IL1RAP: variants seen among roughly 807,000 people sequenced by gnomAD.
IL1RAP encodes the protein interleukin 1 receptor accessory protein.
IL1RAP carries 35 observed loss-of-function variants against 60.7 expected under a neutral mutation model. The observed-to-expected ratio is 0.58, with a 90% CI of 0.44 to 0.76. The LOEUF is 0.76. Ranked by LOEUF, IL1RAP falls within the 30% of genes least tolerant of loss-of-function variation. The probability of loss-of-function intolerance (pLI) is 0.00; values close to 1 mark genes in which losing one functional copy is unlikely to be tolerated. For synonymous variants in IL1RAP, 268 were observed against 250.9 expected, an observed-to-expected ratio of 1.07 and a Z score of -0.64; for missense variants, 572 against 693.9, an observed-to-expected ratio of 0.82 and a Z score of 1.97.
intron 5 of IL1RAP, among the ~76,000 whole-genome samples, chr3:190,609,925 C>T (rs1009614192): frequency 1.3e-5 from 2 of 152,114 alleles, no homozygotes; most frequent in African/African-American, 4.8e-5. Context: ...AAAGAGCCAA[C>T]AGGTACTCAC....
intron 4 of IL1RAP, among the ~76,000 whole-genome samples, chr3:190,605,106 G>A (rs937840084): frequency 1.3e-5 from 2 of 152,092 alleles, no homozygotes; most frequent in South Asian, 2.1e-4. Flanking sequence ...TATTTTGGGA[G>A]GCATGACATA....
chr3:190,528,653 T>C (rs978684971), intron 1 of IL1RAP, among the ~76,000 whole-genome samples: 4 of 152,182 alleles, frequency 2.6e-5, no homozygotes, highest in Admixed American at 6.5e-5. Context: ...AGATAAAACA[T>C]ACACAGGGGT....
exon 12 of IL1RAP, chr3:190,656,538 C>T (rs765743296): frequency 6.5e-7 from 1 of 1,537,264 alleles, no homozygotes; most frequent in South Asian, 1.2e-5. Context: ...CCCCTGCTCC[C>T]CAGATCTCAG....
rs915615665 is a variant in IL1RAP at position 190,519,348 on chromosome 3, C to T, written c.-89+5129C>T. ...TGAGCAAGAGAAATCAGCATTTCAT[C>T]GGCACATGTACTTTTGTCATTTCAT... On this transcript the variant is annotated intron_variant, in intron 1 of 11. Transcript: ENST00000447382. Among the ~76,000 whole-genome samples, 11 of 152,238 alleles carry T rather than the reference C, an allele frequency of 7.2e-5. No homozygotes were observed. In the South Asian group the frequency reaches 1.0e-3, roughly 14 times the overall value.
At chr3:190,531,929 G>T (rs1200380787) in intron 1 of IL1RAP, among the ~76,000 whole-genome samples, 10 of 152,134 alleles carry the variant, frequency 6.6e-5, no homozygotes, top group African/African-American at 2.4e-4. Flanking sequence ...AATGGAATAC[G>T]TGTAATCGTT....
intron 1 of IL1RAP, among the ~76,000 whole-genome samples, chr3:190,549,703 T>C (rs1323484343): frequency 6.7e-6 from 1 of 149,286 alleles, no homozygotes; most frequent in Admixed American, 6.6e-5. Flanking sequence ...TGGGTTGCCT[T>C]CTCCCGAGCC....
intron 3 of IL1RAP, among the ~76,000 whole-genome samples, chr3:190,603,574 A>G (rs1345350405): frequency 6.6e-6 from 1 of 152,184 alleles, no homozygotes; most frequent in Non-Finnish European, 1.5e-5. Flanking sequence ...ATTTTTTTAT[A>G]TTTTGGATAT....
intron 1 of IL1RAP, among the ~76,000 whole-genome samples, chr3:190,530,664 A>G (rs1056303481): frequency 1.3e-5 from 2 of 152,206 alleles, no homozygotes; most frequent in African/African-American, 4.8e-5. Context: ...CAATTAGAAC[A>G]TCGGCTTAAA....
chr3:190,649,311 C>T lies in IL1RAP; in HGVS notation c.*606C>T. 1 of 984,912 alleles carries T rather than the reference C, an allele frequency of 1.0e-6. No homozygotes were observed. The highest frequency in any genetic ancestry group is 1.7e-5 in the African/African-American group (1 of 57,322). 61.0% of individuals were successfully genotyped at this position (984,912 alleles called of 1,614,324 possible). Reference sequence around the variant, plus strand: ...TAAAGGACTTGTCTTCTATACCACCCTTGTCCTCATCTCAGGTAATTTATG... The same window carrying T: ...TAAAGGACTTGTCTTCTATACCACCTTTGTCCTCATCTCAGGTAATTTATG... On this transcript the variant is annotated 3_prime_UTR_variant, in exon 12 of 12. Transcript: ENST00000447382.
chr3:190,633,381 CAG>C (rs1202701238), intron 9 of IL1RAP, among the ~76,000 whole-genome samples: 1 of 151,690 alleles, frequency 6.6e-6, no homozygotes, highest in East Asian at 1.9e-4. Context: ...ATTTTTGAGA[CAG>C]AGTCTCACTG....
At chr3:190,622,080 T>C (rs1201691807) in intron 6 of IL1RAP, among the ~76,000 whole-genome samples, 1 of 152,204 alleles carries the variant, frequency 6.6e-6, no homozygotes, top group Non-Finnish European at 1.5e-5. Context: ...GTAATACTTA[T>C]TTAACCAGCT....
At chr3:190,534,628 AT>A (rs1723275047) in intron 1 of IL1RAP, among the ~76,000 whole-genome samples, 1 of 152,074 alleles carries the variant, frequency 6.6e-6, no homozygotes, top group Admixed American at 6.5e-5. Context: ...ATATAGGACC[AT>A]TGCCTGTTCA....
intron 1 of IL1RAP, among the ~76,000 whole-genome samples, chr3:190,540,490 G>C (rs1423624449): frequency 6.6e-6 from 1 of 151,408 alleles, no homozygotes; most frequent in Non-Finnish European, 1.5e-5. Context: ...CCATTTATTT[G>C]TTCTCATGGA....
chr3:190,602,625 T>C (rs1461255172), intron 3 of IL1RAP, among the ~76,000 whole-genome samples: 5 of 152,198 alleles, frequency 3.3e-5, no homozygotes, highest in Non-Finnish European at 5.9e-5. Context: ...AGAAAGCTTT[T>C]TTACATGTTT....
At chr3:190,551,364 G>T (rs761228236) in intron 1 of IL1RAP, among the ~76,000 whole-genome samples, 1 of 152,168 alleles carries the variant, frequency 6.6e-6, no homozygotes, top group African/African-American at 2.4e-5. Context: ...TGATGCAAAC[G>T]ACTATATTGC....
At chr3:190,604,484 T>C in intron 4 of IL1RAP, 71 bp downstream of exon 4, 1 of 1,475,678 alleles carries the variant, frequency 6.8e-7, no homozygotes, top group South Asian at 1.3e-5. Flanking sequence ...ATGATCCGTG[T>C]GCTAGGAAGC....
chr3:190,578,923 C>T (rs927181491), intron 3 of IL1RAP, among the ~76,000 whole-genome samples: 2 of 152,216 alleles, frequency 1.3e-5, no homozygotes, highest in Admixed American at 6.5e-5. Flanking sequence ...AATTACCTCA[C>T]ACTAGGTCCC....
chr3:190,522,000 A>C (rs1187923276), intron 1 of IL1RAP, among the ~76,000 whole-genome samples: 2 of 152,138 alleles, frequency 1.3e-5, no homozygotes, highest in African/African-American at 4.8e-5. Flanking sequence ...CCCACAGAAG[A>C]GGCTTGACTC....
intron 1 of IL1RAP, among the ~76,000 whole-genome samples, chr3:190,532,463 C>T (rs952386715): frequency 1.2e-4 from 18 of 151,984 alleles, no homozygotes; most frequent in Non-Finnish European, 2.4e-4. Flanking sequence ...GGGGTTTCAC[C>T]GTGTTAGCCA....
Sources: allele counts gnomAD v4.1 joint callset (sites outside exome capture counted in the v4.1 genomes callset), GRCh38; gene constraint gnomAD v4.1.1; transcripts MANE v1.5; gene names NCBI Gene and HGNC (gene_info 2026-07-23, HGNC 2026-07-21).